Variants in SLAIN2 observed in about 807,000 individuals in gnomAD.
SLAIN2 encodes the protein SLAIN family member 2.
Under a neutral mutation model 56.6 loss-of-function variants are expected in SLAIN2, and 31 were observed. The observed-to-expected ratio is 0.55, with a 90% confidence interval of 0.41 to 0.74. The LOEUF is 0.74. SLAIN2 is among the 30% of genes least tolerant of loss of function. SLAIN2 has a pLI of 0.00. For missense variants in SLAIN2, 777 were observed against 754.2 expected, an observed-to-expected ratio of 1.03 and a Z score of -0.35; for synonymous variants, 317 against 284.9, an observed-to-expected ratio of 1.11 and a Z score of -1.13.
intron 1 of SLAIN2, among the ~76,000 whole-genome samples, chr4:48,356,186 T>A (rs1715149030): frequency 6.6e-6 from 1 of 152,200 alleles, no homozygotes; most frequent in African/African-American, 2.4e-5. Context: ...GGAACTAACA[T>A]GTTCTATGGG....
At chr4:48,361,900 C>T (rs1405875818) in intron 1 of SLAIN2, among the ~76,000 whole-genome samples, 2 of 152,052 alleles carry the variant, frequency 1.3e-5, no homozygotes, top group Non-Finnish European at 2.9e-5. Context: ...AAATTTATTC[C>T]TGAGTATTTT....
At chr4:48,349,551 C>G (rs449376) in intron 1 of SLAIN2, among the ~76,000 whole-genome samples, 88,405 of 152,028 alleles carry the variant, frequency 0.58, 26,265 homozygotes, top group South Asian at 0.71. Flanking sequence ...ATACTGGCAT[C>G]GCTCTGTTTA....
intron 3 of SLAIN2, 50 bp downstream of exon 3, chr4:48,378,110 G>A: frequency 6.5e-7 from 1 of 1,541,996 alleles, no homozygotes; most frequent in South Asian, 1.2e-5. Context: ...TTAGCTTACT[G>A]CACTGTATCA....
chr4:48,383,673 C>T lies in SLAIN2; in HGVS notation c.1249C>T (p.Leu417=), dbSNP rs1423635184. 6.2e-7 allele frequency: 1 copy of T among 1,600,066 alleles called. No homozygotes were observed. Among genetic ancestry groups the T allele is most frequent in the Non-Finnish European group, 8.5e-7 (1 of 1,171,858 alleles). Residue 417 remains leucine (L), a synonymous_variant, in exon 6 of 8, where the codon CTG becomes TTG. Coordinates refer to ENST00000264313, the MANE Select transcript of SLAIN2 (RefSeq NM_020846.2). ...AAAACTAAGACGCAGTCTTCCAAACCTGTCCCGAACATCTAATACACAAGT... is the reference window on the plus strand; with the variant it reads ...AAAACTAAGACGCAGTCTTCCAAACTTGTCCCGAACATCTAATACACAAGT... ...EEKLRRSLPN[L]SRTSNTQVDS...
chr4:48,391,300 CAG>C (rs765975818), intron 6 of SLAIN2, among the ~76,000 whole-genome samples: 37 of 152,284 alleles, frequency 2.4e-4, no homozygotes, highest in East Asian at 3.8e-4. Context: ...CCACCTGTAT[CAG>C]GGGAGACTTT....
intron 6 of SLAIN2, among the ~76,000 whole-genome samples, chr4:48,396,518 T>C (rs1716392339): frequency 6.6e-6 from 1 of 152,134 alleles, no homozygotes; most frequent in South Asian, 2.1e-4. Context: ...CCAAAATGGA[T>C]TTTCTGATTT....
At chr4:48,421,737 T>C (rs1717161542) in intron 7 of SLAIN2, among the ~76,000 whole-genome samples, 1 of 151,668 alleles carries the variant, frequency 6.6e-6, no homozygotes, top group African/African-American at 2.4e-5. Flanking sequence ...GTTATCTGTG[T>C]GCTTGGAAAA....
At chr4:48,397,454 G>T (rs1716430428) in intron 6 of SLAIN2, among the ~76,000 whole-genome samples, 1 of 152,138 alleles carries the variant, frequency 6.6e-6, no homozygotes, top group Non-Finnish European at 1.5e-5. Context: ...GAGATACGTT[G>T]AAATAAACAG....
chr4:48,359,834 GTATT>G (rs1715268418), intron 1 of SLAIN2, among the ~76,000 whole-genome samples: 1 of 152,120 alleles, frequency 6.6e-6, no homozygotes, highest in Admixed American at 6.5e-5. Flanking sequence ...TAATAACTCA[GTATT>G]TAACAGTATA....
At chr4:48,414,549 TA>T (rs1441311942) in intron 6 of SLAIN2, among the ~76,000 whole-genome samples, 77 of 90,638 alleles carry the variant, frequency 8.5e-4, no homozygotes, top group Non-Finnish European at 1.2e-3. Context: ...ATTGGTGTGG[TA>T]TTTTTTTTTT....
At chr4:48,370,837 A>G (rs1715644251) in intron 2 of SLAIN2, among the ~76,000 whole-genome samples, 1 of 152,190 alleles carries the variant, frequency 6.6e-6, no homozygotes, top group African/African-American at 2.4e-5. Flanking sequence ...CCATGTACTT[A>G]AAATTACTTA....
In SLAIN2 at chr4:48,420,299, C is replaced by G; in HGVS notation, c.1535C>G (p.Ala512Gly). The G allele has an allele frequency of 6.2e-7, 1 of 1,613,978 alleles. No individual in the cohort carries two copies. Among genetic ancestry groups the G allele is most frequent in the Admixed American group, 1.7e-5 (1 of 60,024 alleles). Residue 512 changes from alanine to glycine, a missense_variant, in exon 7 of 8, where the codon GCA becomes GGA. Transcript: ENST00000264313. Reference sequence around the variant, plus strand: ...CCTATGGTTCAGAGCACAGTCTCAGCAAATCCTCCCAGCAATATCAACAGC... The same window carrying G: ...CCTATGGTTCAGAGCACAGTCTCAGGAAATCCTCCCAGCAATATCAACAGC... Reference protein sequence around the residue: ...GPPMVQSTVSANPPSNINSAT... With the variant: ...GPPMVQSTVSGNPPSNINSAT...
chr4:48,368,608 T>G (rs1423123962), intron 1 of SLAIN2, among the ~76,000 whole-genome samples: 2 of 152,322 alleles, frequency 1.3e-5, no homozygotes, highest in East Asian at 1.9e-4. Context: ...ATTTTTAAAG[T>G]GTAATTGCTG....
At position 48,423,471 on chromosome 4, in the gene SLAIN2, A is replaced by T. The variant is rs1012798779; in HGVS notation, c.*1394A>T. On this transcript the variant is annotated 3_prime_UTR_variant, in exon 8 of 8. Transcript: ENST00000264313. Reference sequence around the variant, plus strand: ...ATTTGAACAGCTCTAAGATATTGTCACTTAGGTCATCTAAAAGCTTTTAGA... The same window carrying T: ...ATTTGAACAGCTCTAAGATATTGTCTCTTAGGTCATCTAAAAGCTTTTAGA... 2.6e-5 allele frequency: 4 copies of T among 152,130 alleles called. No individual in the cohort carries two copies. Among genetic ancestry groups the T allele is most frequent in the African/African-American group, 9.7e-5 (4 of 41,446 alleles). The allele number at this position is 152,130 out of a possible 1,614,324, so 9.4% of individuals were successfully genotyped here.
chr4:48,367,942 C>T (rs1239257364), intron 1 of SLAIN2, among the ~76,000 whole-genome samples: 2 of 151,860 alleles, frequency 1.3e-5, no homozygotes, highest in Admixed American at 1.3e-4. Context: ...CTACCTCCAG[C>T]CCTAGGCAAC....
intron 2 of SLAIN2, among the ~76,000 whole-genome samples, chr4:48,372,052 A>C (rs992102515): frequency 1.6e-5 from 1 of 64,246 alleles, no homozygotes; most frequent in African/African-American, 6.3e-5. Context: ...ACATATATAC[A>C]TATATATATA....
chr4:48,386,285 C>T (rs535878980), intron 6 of SLAIN2, among the ~76,000 whole-genome samples: 9 of 151,990 alleles, frequency 5.9e-5, no homozygotes, highest in African/African-American at 2.2e-4. Context: ...CGATTATTAC[C>T]ACATTTTACA....
intron 6 of SLAIN2, among the ~76,000 whole-genome samples, chr4:48,418,592 A>G (rs1257388461): frequency 6.6e-6 from 1 of 152,170 alleles, no homozygotes; most frequent in East Asian, 1.9e-4. Context: ...ATTTGTAAAC[A>G]ATATTGATCC....
At chr4:48,411,423 T>A (rs1379868502) in intron 6 of SLAIN2, among the ~76,000 whole-genome samples, 1 of 152,216 alleles carries the variant, frequency 6.6e-6, no homozygotes, top group African/African-American at 2.4e-5. Context: ...CACTTAGGTC[T>A]GTGATCCATT....
Sources: gnomAD v4.1 joint callset for allele counts (sites outside exome capture counted in the v4.1 genomes callset) on GRCh38, gnomAD v4.1.1 for gene constraint, MANE v1.5 for transcripts, NCBI Gene and HGNC (gene_info 2026-07-23, HGNC 2026-07-21) for gene names.